The following NCOR1 variants were observed in gnomAD, a reference collection of about 807,000 sequenced individuals.
The protein encoded by NCOR1 is nuclear receptor corepressor 1, also known as protein phosphatase 1, regulatory subunit 109.
In NCOR1, 63 loss-of-function variants were observed where a neutral mutation model predicts 288.1. The ratio of observed to expected loss-of-function variants is 0.22; its 90% CI spans 0.18 to 0.27. The LOEUF is 0.27. NCOR1 is among the 10% of genes least tolerant of loss of function. The pLI is 1.00. For missense variants in NCOR1, 2,397 were observed against 3,019.2 expected (o/e 0.79, Z 4.83); for synonymous variants, 1,007 against 1,065.9 (o/e 0.94, Z 1.08).
chr17:16,101,750 A>T lies in NCOR1; in HGVS notation c.2190T>A (p.Ala730=). Residue 730 remains alanine, a synonymous_variant, in exon 20 of 46, where the codon GCT becomes GCA. Transcript: ENST00000268712. Reference sequence around the variant, plus strand: ...CAGGACTGTCCTCGCTGGGCTTGACAGCTTCAACTGGTGAAGGAGAAGGAG... The same window carrying T: ...CAGGACTGTCCTCGCTGGGCTTGACTGCTTCAACTGGTGAAGGAGAAGGAG... ...EENPEDSEVE[A]VKPSEDSPEN... 1.2e-6 allele frequency: 2 copies of T among 1,614,198 alleles called. No homozygotes were observed. Among genetic ancestry groups the T allele is most frequent in the Non-Finnish European group, 1.7e-6 (2 of 1,180,028 alleles).
chr17:16,061,927 G>C lies in NCOR1; in HGVS notation c.5388-33C>G, dbSNP rs904241678. ...TAAAACCAAATCACAGCTCTGTGAAGGGAAGACCATTTGCTGGGAATGTGG... is the reference window on the plus strand; with the variant it reads ...TAAAACCAAATCACAGCTCTGTGAACGGAAGACCATTTGCTGGGAATGTGG... On this transcript the variant is annotated intron_variant, in intron 36 of 45. Transcript: ENST00000268712. 2.5e-6 allele frequency: 4 copies of C among 1,575,512 alleles called. No individual in the cohort carries two copies. The African/African-American group carries it at 5.5e-5, about 22-fold the overall frequency.
chr17:16,196,693 C>T (rs548129946), intron 1 of NCOR1, among the ~76,000 whole-genome samples: 1 of 151,760 alleles, frequency 6.6e-6, no homozygotes, highest in East Asian at 1.9e-4. Flanking sequence ...GGCGTGGTGG[C>T]GGGTGCCTGT....
chr17:16,063,594 T>C (rs2060783033), intron 35 of NCOR1, among the ~76,000 whole-genome samples: 2 of 152,320 alleles, frequency 1.3e-5, no homozygotes, highest in Middle Eastern at 3.4e-3. Context: ...ATACCCACTC[T>C]TCAGGGTTTT....
chr17:16,107,426 CA>C (rs2069003689), intron 19 of NCOR1, among the ~76,000 whole-genome samples: 2 of 152,228 alleles, frequency 1.3e-5, no homozygotes, highest in Admixed American at 1.3e-4. Context: ...AAGGAAAGGC[CA>C]TGTAAGGACA....
chr17:16,061,654 T>C lies in NCOR1; in HGVS notation c.5628A>G (p.Arg1876=), dbSNP rs1449721250. The change falls in exon 37 of 46, where the codon AGA becomes AGG. Residue 1876 remains arginine, a synonymous_variant. Coordinates refer to ENST00000268712, the MANE Select transcript of NCOR1 (RefSeq NM_006311.4). ...AAGAAGTGTATAAACACTGAACAGATCTCTTCTCCACCTCCAGGGTTTTCT... is the reference window on the plus strand; with the variant it reads ...AAGAAGTGTATAAACACTGAACAGACCTCTTCTCCACCTCCAGGGTTTTCT... ...LEQKTLEVEK[R]SVQCLYTSSA... is the part of the protein sequence containing the mutation. 7 of 1,614,108 alleles carry C rather than the reference T, an allele frequency of 4.3e-6. No individual in the cohort carries two copies. In the African/African-American group the frequency reaches 9.3e-5, roughly 22 times the overall value.
chr17:16,189,172 T>G (rs1216652349), intron 2 of NCOR1, among the ~76,000 whole-genome samples: 1 of 151,262 alleles, frequency 6.6e-6, no homozygotes, highest in Non-Finnish European at 1.5e-5. Flanking sequence ...GGTGGGAGGG[T>G]TGCTTGAGGC....
chr17:16,197,331 A>AG (rs1460153716), intron 1 of NCOR1, among the ~76,000 whole-genome samples: 3 of 152,134 alleles, frequency 2.0e-5, no homozygotes, highest in Non-Finnish European at 4.4e-5. Flanking sequence ...CAAAAAAAAA[A>AG]AAAGAACTTT....
chr17:16,072,269 T>A (rs1304500931), intron 28 of NCOR1, 41 bp from the exon 29 acceptor site: 1 of 1,471,626 alleles, frequency 6.8e-7, no homozygotes, highest in Non-Finnish European at 9.5e-7. Flanking sequence ...CAACATAATG[T>A]ATATGTCAAC....
At chr17:16,182,437 A>G (rs2085677423) in intron 3 of NCOR1, among the ~76,000 whole-genome samples, 1 of 152,170 alleles carries the variant, frequency 6.6e-6, no homozygotes, top group African/African-American at 2.4e-5. Context: ...AACTTAAATA[A>G]ATTTATTTTA....
chr17:16,084,703 C>T (rs989821551), intron 23 of NCOR1, among the ~76,000 whole-genome samples: 2 of 151,990 alleles, frequency 1.3e-5, no homozygotes, highest in Non-Finnish European at 2.9e-5. Context: ...GGAACTGAAG[C>T]GATCAAATGA....
chr17:16,095,203 G>C (rs1294675386), intron 21 of NCOR1, among the ~76,000 whole-genome samples: 1 of 150,064 alleles, frequency 6.7e-6, no homozygotes, highest in Non-Finnish European at 1.5e-5. Flanking sequence ...TGTGGGGAGC[G>C]CCTCTACCCC....
chr17:16,139,602 C>G (rs574505597), intron 11 of NCOR1, among the ~76,000 whole-genome samples: 2 of 152,064 alleles, frequency 1.3e-5, no homozygotes, highest in Non-Finnish European at 2.9e-5. Flanking sequence ...CGTCATATTA[C>G]AGAACAATAA....
Position 16,149,488 on chromosome 17 carries a change from A to G in NCOR1, c.872T>C (p.Leu291Ser). Residue 291 changes from leucine (L) to serine (S), a missense_variant, in exon 9 of 46, where the codon TTA becomes TCA. Physicochemically the swap from Leu to Ser is moderately radical, Grantham distance 145 (BLOSUM62 -2). Around this residue, in one of 11 missense-constraint regions of NCOR1, gnomAD observed 51 missense variants for 127.6 expected, o/e 0.40. Coordinates refer to ENST00000268712, the MANE Select transcript of NCOR1 (RefSeq NM_006311.4). ...TGCATGATTTCTTCTTTTAAAAAATAAAATGAGTTTTTTCCTCATCACCTG... is the reference window on the plus strand; with the variant it reads ...TGCATGATTTCTTCTTTTAAAAAATGAAATGAGTTTTTTCCTCATCACCTG... ...TNQVMRKKLILFFKRRNHARK... is the reference protein window; with the variant it reads ...TNQVMRKKLISFFKRRNHARK... The G allele has an allele frequency of 6.4e-7, 1 of 1,566,196 alleles. No homozygotes were observed.
rs61753150 is a variant in NCOR1 at position 16,070,460 on chromosome 17, T to G, written c.4218A>C (p.Leu1406Phe). 0.013 allele frequency: 20,985 copies of G among 1,614,202 alleles called. 155 individuals are homozygous for G. The highest frequency in any genetic ancestry group is 0.016 in the Non-Finnish European group (18,339 of 1,180,024). Residue 1406 changes from leucine to phenylalanine, a missense_variant, in exon 31 of 46, where the codon TTA becomes TTC. Physicochemically the swap from Leu to Phe is conservative, Grantham distance 22. This residue lies in a region of NCOR1 where 1,872 missense variants were observed against 2,187.8 expected (regional missense o/e 0.86). Coordinates refer to ENST00000268712, the MANE Select transcript of NCOR1 (RefSeq NM_006311.4). ...QSAIKHNVKS[L>F]ITGPSKLSRG... ...GGGATAGTTTGCTAGGCCCCGTGAT[T>G]AAGGATTTGACATTGTGTTTGATGG...
chr17:16,057,879 TA>T, intron 39 of NCOR1, 27 bp downstream of exon 39: 1 of 1,556,212 alleles, frequency 6.4e-7, no homozygotes. Flanking sequence ...AAAGAAAAAT[TA>T]ACTAATAAGA....
intron 42 of NCOR1, among the ~76,000 whole-genome samples, chr17:16,043,426 T>A (rs2058095605): frequency 6.6e-6 from 1 of 152,172 alleles, no homozygotes; most frequent in Non-Finnish European, 1.5e-5. Context: ...TCCCAGACTC[T>A]AAAGCAATTC....
rs112981020 is a variant in NCOR1 at position 16,127,211 on chromosome 17, ATC to A, written c.1510-1007_1510-1006del. ...TATGTATATATACATGTATGTATAT[ATC>A]TGTATGTATATATACATGTATGCAT... On this transcript the variant is annotated intron_variant, in intron 14 of 45. Coordinates refer to ENST00000268712, the MANE Select transcript of NCOR1 (RefSeq NM_006311.4). Among the ~76,000 whole-genome samples, 123 of 130,378 alleles carry A rather than the reference ATC, an allele frequency of 9.4e-4. 1 individual carries two copies. Among genetic ancestry groups the A allele is most frequent in the African/African-American group, 4.6e-3 (120 of 26,176 alleles). 85.5% of individuals were successfully genotyped at this position (130,378 alleles called of 152,430 possible).
At chr17:16,062,542 G>A (rs1016776130) in intron 35 of NCOR1, among the ~76,000 whole-genome samples, 1 of 152,126 alleles carries the variant, frequency 6.6e-6, no homozygotes, top group African/African-American at 2.4e-5. Context: ...TTTCAATCTT[G>A]ATTCCATAAA....
intron 40 of NCOR1, among the ~76,000 whole-genome samples, chr17:16,055,656 T>C (rs1003819394): frequency 1.3e-5 from 2 of 152,176 alleles, no homozygotes; most frequent in African/African-American, 4.8e-5. Flanking sequence ...AACCTGCACA[T>C]GTACTCCTGA....
Sources: allele counts gnomAD v4.1 joint callset (sites outside exome capture counted in the v4.1 genomes callset), GRCh38; gene constraint gnomAD v4.1.1; regional missense constraint gnomAD v4.1.1; transcripts MANE v1.5; gene names NCBI Gene and HGNC (gene_info 2026-07-23, HGNC 2026-07-21).